The following CAMK2B variants were observed in gnomAD, a reference collection of about 807,000 sequenced individuals.
CAMK2B encodes calcium/calmodulin dependent protein kinase II beta.
Under a neutral mutation model 93.7 loss-of-function variants are expected in CAMK2B, and 27 were observed. That is an observed-to-expected ratio of 0.29 (90% CI 0.21 to 0.40). The LOEUF is 0.40. CAMK2B is among the 10% of genes least tolerant of loss of function. The pLI is 1.00. For missense variants in CAMK2B, 568 were observed against 895.8 expected, an observed-to-expected ratio of 0.63 and a Z score of 4.67; for synonymous variants, 374 against 358.8, an observed-to-expected ratio of 1.04 and a Z score of -0.48.
intron 1 of CAMK2B, among the ~76,000 whole-genome samples, chr7:44,322,863 GC>G (rs1395206354): frequency 2.0e-5 from 3 of 152,238 alleles, no homozygotes; most frequent in Non-Finnish European, 2.9e-5. Flanking sequence ...GGAGCTCAGC[GC>G]CACCTGACTG....
chr7:44,232,940 AG>A (rs1341473870), intron 15 of CAMK2B, 74 bp from the exon 16 acceptor site: 1 of 1,337,724 alleles, frequency 7.5e-7, no homozygotes, highest in Non-Finnish European at 1.1e-6. Flanking sequence ...GACCACCAGG[AG>A]GGGAACAGGG....
chr7:44,254,219 G>A (rs1247889537), intron 5 of CAMK2B, among the ~76,000 whole-genome samples: 1 of 152,210 alleles, frequency 6.6e-6, no homozygotes, highest in Non-Finnish European at 1.5e-5. Context: ...GGTCAGCCTT[G>A]TGGGAAGGGC....
intron 1 of CAMK2B, among the ~76,000 whole-genome samples, chr7:44,288,937 T>C (rs74511435): frequency 0.012 from 1,785 of 152,156 alleles, 36 homozygotes; most frequent in African/African-American, 0.041. Context: ...CAGTCGGTGT[T>C]TCACAGGCAT....
chr7:44,287,915 A>G (rs2129125614), intron 1 of CAMK2B, among the ~76,000 whole-genome samples: 1 of 152,288 alleles, frequency 6.6e-6, no homozygotes, highest in South Asian at 2.1e-4. Flanking sequence ...ATGGCTCTCT[A>G]TGGGCAGAGT....
intron 1 of CAMK2B, 31 bp downstream of exon 1, chr7:44,325,326 C>T: frequency 8.3e-7 from 1 of 1,200,372 alleles, no homozygotes; most frequent in East Asian, 6.4e-5. Flanking sequence ...CTGGGGTCCC[C>T]GGCCCAGCCC....
At chr7:44,264,121 A>C (rs979779261) in intron 2 of CAMK2B, 4 of 153,198 alleles carry the variant, frequency 2.6e-5, no homozygotes, top group African/African-American at 9.6e-5. Flanking sequence ...AAAGGTGAGC[A>C]GGGCCTGGGG....
At chr7:44,258,168 C>T (rs1391540557) in intron 4 of CAMK2B, among the ~76,000 whole-genome samples, 1 of 152,232 alleles carries the variant, frequency 6.6e-6, no homozygotes, top group Non-Finnish European at 1.5e-5. Context: ...CGGCCCCAGA[C>T]ACCTTCTCAC....
chr7:44,270,445 C>T (rs1051447635), intron 2 of CAMK2B, among the ~76,000 whole-genome samples: 4 of 152,194 alleles, frequency 2.6e-5, no homozygotes, highest in Admixed American at 6.5e-5. Context: ...TCCACCTGTG[C>T]GCTGGACTAG....
chr7:44,291,399 G>A (rs779919674), intron 1 of CAMK2B, among the ~76,000 whole-genome samples: 26 of 152,152 alleles, frequency 1.7e-4, no homozygotes, highest in African/African-American at 2.7e-4. Context: ...GGTGCAAGCC[G>A]AGCTCCCAGG....
intron 2 of CAMK2B, among the ~76,000 whole-genome samples, chr7:44,275,993 C>A (rs2097032964): frequency 6.6e-6 from 1 of 152,150 alleles, no homozygotes; most frequent in African/African-American, 2.4e-5. Context: ...GCAGAGTGGG[C>A]CAAGAGTTCG....
Position 44,282,115 on chromosome 7 carries a change from C to T in CAMK2B, c.160+2016G>A, listed in dbSNP as rs2097106797. Reference sequence around the variant, plus strand: ...GTACGCTCACGCACACATAGACCTCCTCTCCATGGCACCCTGTGACAGGCA... The same window carrying T: ...GTACGCTCACGCACACATAGACCTCTTCTCCATGGCACCCTGTGACAGGCA... On this transcript the variant is annotated intron_variant, in intron 2 of 23. Coordinates refer to ENST00000395749, the MANE Select transcript of CAMK2B (RefSeq NM_001220.5). Among the ~76,000 whole-genome samples the T allele has an allele frequency of 3.3e-5, 5 of 152,238 alleles. No homozygotes were observed. The South Asian group carries it at 8.3e-4, about 25-fold the overall frequency.
At chr7:44,228,353 G>T (rs114314375) in intron 19 of CAMK2B, among the ~76,000 whole-genome samples, 157 of 152,246 alleles carry the variant, frequency 1.0e-3, no homozygotes, top group African/African-American at 3.6e-3. Context: ...GTGCTCAGGG[G>T]TTGGGGCCAC....
At chr7:44,274,334 A>C (rs2097009650) in intron 2 of CAMK2B, among the ~76,000 whole-genome samples, 1 of 152,136 alleles carries the variant, frequency 6.6e-6, no homozygotes, top group Non-Finnish European at 1.5e-5. Context: ...ACACACAACC[A>C]GGGCCCCCAG....
chr7:44,272,230 G>C (rs2096981645), intron 2 of CAMK2B, among the ~76,000 whole-genome samples: 1 of 152,228 alleles, frequency 6.6e-6, no homozygotes, highest in Admixed American at 6.5e-5. Context: ...TAGGTCTGAG[G>C]CAGGAATAAC....
Position 44,229,488 on chromosome 7 carries a change from G to T in CAMK2B, c.1239C>A (p.Pro413=). The change falls in exon 18 of 24, where the codon CCC becomes CCA. Residue 413 remains proline (P), a synonymous_variant. Transcript: ENST00000395749. ...EDEDAKAPRV[P]DILSSVRRGS... ...CCCTCCTCACTGAGCTCAGGATGTC[G>T]GGGACCCTGGGGGCTGAGGCGGAAC... 14 of 1,429,138 alleles carry T rather than the reference G, an allele frequency of 9.8e-6. No individual in the cohort carries two copies. Among genetic ancestry groups the T allele is most frequent in the Non-Finnish European group, 1.3e-5 (14 of 1,089,422 alleles). 88.5% of individuals were successfully genotyped at this position (1,429,138 alleles called of 1,614,324 possible).
In CAMK2B at chr7:44,219,402, T is replaced by C. The variant is rs2096370534; in HGVS notation, c.*123A>G. The C allele has an allele frequency of 6.8e-6, 1 of 146,698 alleles. No individual in the cohort carries two copies. Among genetic ancestry groups the C allele is most frequent in the African/African-American group, 2.5e-5 (1 of 40,034 alleles). The allele number at this position is 146,698 out of a possible 1,614,324, so 9.1% of individuals were successfully genotyped here. On this transcript the variant is annotated 3_prime_UTR_variant, in exon 24 of 24. Transcript: ENST00000395749. ...CAAATCACATCTGGTCTTGTTTTTC[T>C]GCAGACACAGGCACCAGGGGAGGGA... is the stretch of plus-strand genomic sequence containing the variant.
At chr7:44,284,379 A>C (rs1055714700) in intron 1 of CAMK2B, among the ~76,000 whole-genome samples, 154 bp from the exon 2 acceptor site, 13 of 152,236 alleles carry the variant, frequency 8.5e-5, no homozygotes, top group Non-Finnish European at 1.9e-4. Flanking sequence ...ACTGTGAGGA[A>C]GTGGGTGCCC....
chr7:44,265,931 G>A (rs1055012709), intron 2 of CAMK2B, among the ~76,000 whole-genome samples: 4 of 151,866 alleles, frequency 2.6e-5, no homozygotes, highest in Non-Finnish European at 5.9e-5. Context: ...AAACACACAC[G>A]TCGTATCGAG....
chr7:44,258,964 C>T, intron 3 of CAMK2B, 38 bp from the exon 4 acceptor site: 1 of 1,579,882 alleles, frequency 6.3e-7, no homozygotes, highest in Middle Eastern at 1.7e-4. Flanking sequence ...CTGGCAATAG[C>T]CCAGGACACA....
Sources: gnomAD v4.1 joint callset for allele counts (sites outside exome capture counted in the v4.1 genomes callset) on GRCh38, gnomAD v4.1.1 for gene constraint, MANE v1.5 for transcripts, NCBI Gene and HGNC (gene_info 2026-07-23, HGNC 2026-07-21) for gene names.